MPEG1: variants seen among roughly 807,000 people sequenced by gnomAD.
MPEG1 encodes the protein macrophage expressed 1.
For missense variants in MPEG1, 876 were observed against 880.3 expected (o/e 1.00, Z 0.06); for synonymous variants, 365 against 351.9 (o/e 1.04, Z -0.42).
In MPEG1 at chr11:59,209,302, A is replaced by C. The variant is rs916721229; in HGVS notation, c.*1413T>G. ...TCAGCCCAAGATCTTGATTGTGAACATTAACAAAGAGAACAGTCATCCTCC... is the reference window on the plus strand; with the variant it reads ...TCAGCCCAAGATCTTGATTGTGAACCTTAACAAAGAGAACAGTCATCCTCC... On this transcript the variant is annotated 3_prime_UTR_variant, in exon 1 of 1. Coordinates refer to ENST00000361050, the MANE Select transcript of MPEG1 (RefSeq NM_001039396.2). 5.3e-5 allele frequency: 8 copies of C among 152,244 alleles called. No individual in the cohort carries two copies. The highest frequency in any genetic ancestry group is 1.2e-4 in the Non-Finnish European group (8 of 68,046). 9.4% of individuals were successfully genotyped at this position (152,244 alleles called of 1,614,324 possible). A position where few individuals can be genotyped will look rare whatever the true frequency, so the allele number is the denominator to read the frequency against.
chr11:59,212,170 A>T lies in MPEG1; in HGVS notation c.696T>A (p.Ser232Arg). 1 of 1,614,160 alleles carries T rather than the reference A, an allele frequency of 6.2e-7. No homozygotes were observed. The highest frequency in any genetic ancestry group is 8.5e-7 in the Non-Finnish European group (1 of 1,180,034). The stretch of plus-strand genomic sequence containing the variant: ...CAGCAGAGGCGGTCACGGCACTACG[A>T]CTGCTCTGGCTGTCTTGGAGGAAGG... ...RASFLQDSQS[S>R]RSAVTASAGL... Residue 232 changes from serine (S) to arginine (R), a missense_variant, in exon 1 of 1, where the codon AGT becomes AGA. Ser to Arg is a moderately radical substitution (Grantham distance 110). Transcript: ENST00000361050.
chr11:59,211,625 G>T lies in MPEG1; in HGVS notation c.1241C>A (p.Ser414Tyr). 6.2e-7 allele frequency: 1 copy of T among 1,614,220 alleles called. No individual in the cohort carries two copies. The change falls in exon 1 of 1, where the codon TCT (serine) becomes TAT (tyrosine). Residue 414 changes from serine to tyrosine, a missense_variant. Coordinates refer to ENST00000361050, the MANE Select transcript of MPEG1 (RefSeq NM_001039396.2). ...TAACAGGTGCACCGGGGAGTAGCCAGAGGGGCAGGAGAAATCACCAGTGAG... is the reference window on the plus strand; with the variant it reads ...TAACAGGTGCACCGGGGAGTAGCCATAGGGGCAGGAGAAATCACCAGTGAG... ...NPLTGDFSCP[S>Y]GYSPVHLLSQ...
In MPEG1 at chr11:59,211,191, C is replaced by T. The variant is rs969234856; in HGVS notation, c.1675G>A (p.Gly559Arg). 26 of 1,614,028 alleles carry T rather than the reference C, an allele frequency of 1.6e-5. No homozygotes were observed. Among genetic ancestry groups the T allele is most frequent in the South Asian group, 3.3e-5 (3 of 91,086 alleles). ...AGGGCTGGGTGCTGGCTGAAGCCCC[C>T]GGGGCACTTTTTCAGAGACGGTGCC... ...LGAPSLKKCP[G>R]GFSQHPALIS... Residue 559 changes from glycine (G) to arginine (R), a missense_variant, in exon 1 of 1, where the codon GGG becomes AGG. Physicochemically the swap from Gly to Arg is moderately radical, Grantham distance 125. Coordinates refer to ENST00000361050, the MANE Select transcript of MPEG1 (RefSeq NM_001039396.2).
chr11:59,211,763 G>C lies in MPEG1; in HGVS notation c.1103C>G (p.Ser368Cys), dbSNP rs748387962. The C allele has an allele frequency of 6.2e-7, 1 of 1,614,170 alleles. No homozygotes were observed. Among genetic ancestry groups the C allele is most frequent in the East Asian group, 2.2e-5 (1 of 44,886 alleles). Residue 368 changes from serine (S) to cysteine (C), a missense_variant, in exon 1 of 1, where the codon TCC becomes TGC. Coordinates refer to ENST00000361050, the MANE Select transcript of MPEG1 (RefSeq NM_001039396.2). Reference sequence around the variant, plus strand: ...GAAGTTGGTCATTTTCCCCTCGCAGGAGCCATCATCCGTGTTGGCCTGAAA... The same window carrying C: ...GAAGTTGGTCATTTTCCCCTCGCAGCAGCCATCATCCGTGTTGGCCTGAAA... ...FNFQANTDDG[S>C]CEGKMTNFSF...
chr11:59,211,166 A>C lies in MPEG1; in HGVS notation c.1700T>G (p.Leu567Arg), dbSNP rs764509698. The C allele has an allele frequency of 2.5e-6, 4 of 1,614,168 alleles. No homozygotes were observed. In the South Asian group the frequency reaches 4.4e-5, roughly 18 times the overall value. ...GGACACTTGGCATCCATCGCTGATG[A>C]GGGCTGGGTGCTGGCTGAAGCCCCC... ...CPGGFSQHPA[L>R]ISDGCQVSYC... Residue 567 changes from leucine (L) to arginine (R), a missense_variant, in exon 1 of 1, where the codon CTC (leucine) becomes CGC (arginine). Leu to Arg is a moderately radical substitution (Grantham distance 102). Coordinates refer to ENST00000361050, the MANE Select transcript of MPEG1 (RefSeq NM_001039396.2).
At position 59,211,413 on chromosome 11, in the gene MPEG1, T is replaced by G. The variant is rs1487725252; in HGVS notation, c.1453A>C (p.Ser485Arg). ...TTTGTCATGGGGTTTATGCTCTTGC[T>G]GCTGAAGAGGCCCCCAAAAAGCAGT... ...SGLLFGGLFS[S>R]KSINPMTNAQ... Residue 485 changes from serine to arginine, a missense_variant, in exon 1 of 1, where the codon AGC (serine) becomes CGC (arginine). Ser to Arg is a moderately radical substitution (Grantham distance 110). Transcript: ENST00000361050. 2 of 1,614,114 alleles carry G rather than the reference T, an allele frequency of 1.2e-6. No individual in the cohort carries two copies. Among genetic ancestry groups the G allele is most frequent in the Non-Finnish European group, 1.7e-6 (2 of 1,180,052 alleles).
chr11:59,210,852 TAAC>T lies in MPEG1; in HGVS notation c.2011_2013del (p.Val671del), dbSNP rs759459170. 3.6e-5 allele frequency: 58 copies of T among 1,614,106 alleles called. No homozygotes were observed. Among genetic ancestry groups the T allele is most frequent in the Middle Eastern group, 1.6e-4 (1 of 6,062 alleles). On this transcript the variant is annotated inframe_deletion, in exon 1 of 1. Coordinates refer to ENST00000361050, the MANE Select transcript of MPEG1 (RefSeq NM_001039396.2). ...CGGGTGCCGTAGATGGCCAAGGTGATAACAACAGCCAGAATGGTGGTGACCCCC... is the reference window on the plus strand; with the variant it reads ...CGGGTGCCGTAGATGGCCAAGGTGATAACAGCCAGAATGGTGGTGACCCCC...
rs1862912004 is a variant in MPEG1, at chr11:59,212,669, G to C, written c.197C>G (p.Thr66Ser). 1 of 1,614,242 alleles carries C rather than the reference G, an allele frequency of 6.2e-7. No homozygotes were observed. Among genetic ancestry groups the C allele is most frequent in the Admixed American group, 1.7e-5 (1 of 60,034 alleles). Residue 66 changes from threonine (T) to serine (S), a missense_variant, in exon 1 of 1, where the codon ACT becomes AGT. By Grantham distance (58) the Thr-to-Ser change is moderately conservative. Coordinates refer to ENST00000361050, the MANE Select transcript of MPEG1 (RefSeq NM_001039396.2). ...CTCTGTTGTCCTGCAGTTGGAGTAA[G>C]TCAATTCCATAACTCGTCCCATGTC... ...NVDMGRVMEL[T>S]YSNCRTTEDG...
Position 59,211,281 on chromosome 11 carries a change from CA to C in MPEG1, c.1584del (p.Phe528LeufsTer14), listed in dbSNP as rs1359057131. ...YELGSRFAVPFGGFFSCTVGN... is the reference protein window; with the variant it reads ...YELGSRFAVPXGGFFSCTVGN... ...CCAACTGTGCAGCTAAAGAACCCGC[CA>C]AAGGGGACCGCAAACCTGCTTCCCA... On this transcript the variant is annotated frameshift_variant, in exon 1 of 1. Coordinates refer to ENST00000361050, the MANE Select transcript of MPEG1 (RefSeq NM_001039396.2). LOFTEE classifies it low-confidence loss of function (END_TRUNC). 1.2e-6 allele frequency: 2 copies of C among 1,614,016 alleles called. No homozygotes were observed. The highest frequency in any genetic ancestry group is 2.7e-5 in the African/African-American group (2 of 74,906).
rs1182694080 is a variant in MPEG1, at chr11:59,210,712, G to C, written c.*3C>G. On this transcript the variant is annotated 3_prime_UTR_variant, in exon 1 of 1. Transcript: ENST00000361050. Reference sequence around the variant, plus strand: ...ATGAGAGAAACCATTTTCGGGGAGAGATTTAAGCTGGACTCTGCCCCTGCT... The same window carrying C: ...ATGAGAGAAACCATTTTCGGGGAGACATTTAAGCTGGACTCTGCCCCTGCT... The C allele has an allele frequency of 6.2e-7, 1 of 1,611,848 alleles. No individual in the cohort carries two copies. The highest frequency in any genetic ancestry group is 1.3e-5 in the African/African-American group (1 of 75,042).
chr11:59,210,879 C>G lies in MPEG1; in HGVS notation c.1987G>C (p.Gly663Arg), dbSNP rs904004444. 6.2e-7 allele frequency: 1 copy of G among 1,614,034 alleles called. No individual in the cohort carries two copies. The change falls in exon 1 of 1, where the codon GGG becomes CGG. Residue 663 changes from glycine to arginine, a missense_variant. Gly to Arg is a moderately radical substitution (Grantham distance 125, BLOSUM62 -2). Transcript: ENST00000361050. ...SGGAAAGVTV[G>R]VTTILAVVIT... Reference sequence around the variant, plus strand: ...ACAACAGCCAGAATGGTGGTGACCCCCACTGTGACCCCAGCTGCAGCCCCT... The same window carrying G: ...ACAACAGCCAGAATGGTGGTGACCCGCACTGTGACCCCAGCTGCAGCCCCT...
rs200732824 is a variant in MPEG1, at chr11:59,212,168, C to G, written c.698G>C (p.Arg233Pro). The stretch of plus-strand genomic sequence containing the variant: ...TCCAGCAGAGGCGGTCACGGCACTA[C>G]GACTGCTCTGGCTGTCTTGGAGGAA... ...ASFLQDSQSS[R>P]SAVTASAGLA... Residue 233 changes from arginine (R) to proline (P), a missense_variant, in exon 1 of 1, where the codon CGT becomes CCT. Coordinates refer to ENST00000361050, the MANE Select transcript of MPEG1 (RefSeq NM_001039396.2). 1.2e-6 allele frequency: 2 copies of G among 1,614,144 alleles called. No homozygotes were observed. Among genetic ancestry groups the G allele is most frequent in the African/African-American group, 1.3e-5 (1 of 75,054 alleles).
In MPEG1 at chr11:59,211,510, C is replaced by T. The variant is rs376785997; in HGVS notation, c.1356G>A (p.Val452=). 21 of 1,614,204 alleles carry T rather than the reference C, an allele frequency of 1.3e-5. No homozygotes were observed. The African/African-American group carries it at 2.3e-4, about 17-fold the overall frequency. The part of the protein sequence containing the change: ...LVFCKTVCED[V]FQVAKAEFRA... ...TAAATTCAGCTTTTGCCACCTGGAACACATCTTCACACACGGTCTTGCAGA... is the reference window on the plus strand; with the variant it reads ...TAAATTCAGCTTTTGCCACCTGGAATACATCTTCACACACGGTCTTGCAGA... Residue 452 remains valine, a synonymous_variant, in exon 1 of 1, where the codon GTG becomes GTA. Transcript: ENST00000361050.
Position 59,210,659 on chromosome 11 carries a change from A to G in MPEG1, c.*56T>C. On this transcript the variant is annotated 3_prime_UTR_variant, in exon 1 of 1. Coordinates refer to ENST00000361050, the MANE Select transcript of MPEG1 (RefSeq NM_001039396.2). ...TTGCCATTTCAATGCTTAGGAAAAC[A>G]GAGTGGTCAGCAATGACCACACTGG... The G allele has an allele frequency of 6.6e-7, 1 of 1,505,684 alleles. No homozygotes were observed. The allele number at this position is 1,505,684 out of a possible 1,614,324, so 93.3% of individuals were successfully genotyped here.
At position 59,210,886 on chromosome 11, in the gene MPEG1, G is replaced by A. The variant is rs773451398; in HGVS notation, c.1980C>T (p.Val660=). ...GGLSGGAAAG[V]TVGVTTILAV... is the part of the protein sequence containing the mutation. ...CCAGAATGGTGGTGACCCCCACTGT[G>A]ACCCCAGCTGCAGCCCCTCCTGACA... Residue 660 remains valine, a synonymous_variant, in exon 1 of 1, where the codon GTC becomes GTT. Coordinates refer to ENST00000361050, the MANE Select transcript of MPEG1 (RefSeq NM_001039396.2). 1.2e-5 allele frequency: 20 copies of A among 1,614,040 alleles called. No homozygotes were observed. In the East Asian group the frequency reaches 4.5e-4, roughly 36 times the overall value.
rs757580481 is a variant in MPEG1 at position 59,211,112 on chromosome 11, C to A, written c.1754G>T (p.Gly585Val). The change falls in exon 1 of 1, where the codon GGA becomes GTA. Residue 585 changes from glycine (G) to valine (V), a missense_variant. Coordinates refer to ENST00000361050, the MANE Select transcript of MPEG1 (RefSeq NM_001039396.2). ...SYCVKSGLFT[G>V]GSLPPARLPP... ...GAGCCTGGCAGGGGGCAGGGACCCT[C>A]CTGTGAAGAGCCCGGATTTGACGCA... is the stretch of plus-strand genomic sequence containing the variant. 5.6e-6 allele frequency: 9 copies of A among 1,614,074 alleles called. No homozygotes were observed. Among genetic ancestry groups the A allele is most frequent in the Non-Finnish European group, 7.6e-6 (9 of 1,180,044 alleles).
In MPEG1 at chr11:59,212,176, C is replaced by A. The variant is rs1398308191; in HGVS notation, c.690G>T (p.Gln230His). ...AGGCGGTCACGGCACTACGACTGCTCTGGCTGTCTTGGAGGAAGGAGGCCC... is the reference window on the plus strand; with the variant it reads ...AGGCGGTCACGGCACTACGACTGCTATGGCTGTCTTGGAGGAAGGAGGCCC... The part of the protein sequence containing the change: ...HLRASFLQDS[Q>H]SSRSAVTASA... The change falls in exon 1 of 1, where the codon CAG becomes CAT. Residue 230 changes from glutamine to histidine, a missense_variant. By Grantham distance (24) the Gln-to-His change is conservative (BLOSUM62 0). Transcript: ENST00000361050. 1.5e-5 allele frequency: 24 copies of A among 1,614,024 alleles called. No homozygotes were observed. The highest frequency in any genetic ancestry group is 8.0e-5 in the African/African-American group (6 of 74,920).
Position 59,211,123 on chromosome 11 carries a change from C to G in MPEG1, c.1743G>C (p.Gly581=). ...GGGGCAGGGACCCTCCTGTGAAGAG[C>G]CCGGATTTGACGCAATAGGACACTT... ...GCQVSYCVKS[G]LFTGGSLPPA... is the part of the protein sequence containing the mutation. The change falls in exon 1 of 1, where the codon GGG becomes GGC. Residue 581 remains glycine, a synonymous_variant. Coordinates refer to ENST00000361050, the MANE Select transcript of MPEG1 (RefSeq NM_001039396.2). 1 of 1,614,150 alleles carries G rather than the reference C, an allele frequency of 6.2e-7. No individual in the cohort carries two copies. The highest frequency in any genetic ancestry group is 1.1e-5 in the South Asian group (1 of 91,078).
In MPEG1 at chr11:59,212,568, T is replaced by A; in HGVS notation, c.298A>T (p.Ile100Phe). The A allele has an allele frequency of 6.2e-7, 1 of 1,614,184 alleles. No individual in the cohort carries two copies. The highest frequency in any genetic ancestry group is 8.5e-7 in the Non-Finnish European group (1 of 1,180,040). ...KQSNLEMNSE[I>F]LESWANYQSS... ...TGGTAATTTGCCCAGGATTCCAGGA[T>A]TTCTGAGTTCATCTCCAGGTTGCTC... The change falls in exon 1 of 1, where the codon ATC becomes TTC. Residue 100 changes from isoleucine to phenylalanine, a missense_variant. By Grantham distance (21) the Ile-to-Phe change is conservative (BLOSUM62 0). Transcript: ENST00000361050.
Sources: allele counts gnomAD v4.1 joint callset, GRCh38; gene constraint gnomAD v4.1.1; transcripts MANE v1.5; gene names NCBI Gene and HGNC (gene_info 2026-07-23, HGNC 2026-07-21).